PAPOLA: variants seen among roughly 807,000 people sequenced by gnomAD.
The protein encoded by PAPOLA is poly(A) polymerase alpha.
A neutral mutation model predicts 100.6 loss-of-function variants in PAPOLA; 15 were observed. The observed-to-expected ratio is 0.15, with a 90% CI of 0.10 to 0.23. The LOEUF (loss-of-function observed/expected upper bound fraction) is 0.23, where lower values mean the gene tolerates loss of function less well. PAPOLA is among the 10% of genes least tolerant of loss of function. The probability of loss-of-function intolerance (pLI) is 1.00; values close to 1 mark genes in which losing one functional copy is unlikely to be tolerated. For missense variants in PAPOLA, 533 were observed against 884.2 expected (o/e 0.60, Z 5.04); for synonymous variants, 293 against 300.0 (o/e 0.98, Z 0.24).
chr14:96,526,703 C>G, intron 4 of PAPOLA: 1 of 152,684 alleles, frequency 6.5e-6, no homozygotes, highest in East Asian at 1.9e-4. Flanking sequence ...AGTATCCTTT[C>G]CTCTCTCCAT....
chr14:96,532,999 TTCTC>T (rs1481618537), intron 9 of PAPOLA: 4 of 999,000 alleles, frequency 4.0e-6, no homozygotes, highest in Non-Finnish European at 4.8e-6. Context: ...ACTCTTTTAA[TTCTC>T]TATCTATAGG....
At chr14:96,527,868 G>T in intron 5 of PAPOLA, 85 bp from the exon 6 acceptor site, 1 of 880,034 alleles carries the variant, frequency 1.1e-6, no homozygotes, top group South Asian at 1.3e-5. Context: ...CTATTTTTGT[G>T]TCAGGTGTTT....
chr14:96,535,832 T>C (rs934623321), intron 10 of PAPOLA, 47 bp from the exon 11 acceptor site: 8 of 1,420,692 alleles, frequency 5.6e-6, no homozygotes, highest in Non-Finnish European at 1.9e-6. Context: ...CCCAAGTATC[T>C]GTTGCATATG....
chr14:96,529,590 C>T (rs1055684194), intron 6 of PAPOLA, among the ~76,000 whole-genome samples: 3 of 151,888 alleles, frequency 2.0e-5, no homozygotes, highest in South Asian at 2.1e-4. Context: ...GGCATGGTGG[C>T]GTGTGCCTGT....
intron 1 of PAPOLA, among the ~76,000 whole-genome samples, chr14:96,511,358 C>T (rs372270807): frequency 6.6e-6 from 1 of 151,974 alleles, no homozygotes; most frequent in East Asian, 1.9e-4. Flanking sequence ...CCCAGGCGTT[C>T]GACACCAGCC....
At chr14:96,549,436 G>A (rs941898613) in intron 16 of PAPOLA, among the ~76,000 whole-genome samples, 11 of 151,884 alleles carry the variant, frequency 7.2e-5, no homozygotes, top group Admixed American at 5.9e-4. Flanking sequence ...TTTTAGTAGA[G>A]ACGGGGTTTC....
intron 1 of PAPOLA, among the ~76,000 whole-genome samples, chr14:96,503,921 C>T (rs527745557): frequency 5.3e-5 from 8 of 152,280 alleles, no homozygotes; most frequent in Admixed American, 5.2e-4. Context: ...GGCTCCCACC[C>T]ACCCCCTTAG....
intron 1 of PAPOLA, among the ~76,000 whole-genome samples, chr14:96,507,718 G>A (rs924863948): frequency 6.6e-6 from 1 of 152,196 alleles, no homozygotes; most frequent in African/African-American, 2.4e-5. Flanking sequence ...GCTCTTTGGA[G>A]TGCTCAATAC....
At chr14:96,548,865 TAAAAC>T (rs1417708386) in intron 16 of PAPOLA, among the ~76,000 whole-genome samples, 2 of 152,306 alleles carry the variant, frequency 1.3e-5, no homozygotes, top group East Asian at 1.9e-4. Flanking sequence ...TTTTGTTTCT[TAAAAC>T]AATATATTAT....
chr14:96,556,433 A>G lies in PAPOLA; in HGVS notation c.2004+20A>G, dbSNP rs202026430. On this transcript the variant is annotated intron_variant, in intron 19 of 21. Transcript: ENST00000216277. ...GAAGAGGTATATATATGAAAAACAT[A>G]TTAGTTAGCCATGGCAACACCAACT... 1.2e-4 allele frequency: 173 copies of G among 1,492,054 alleles called. No homozygotes were observed. The highest frequency in any genetic ancestry group is 1.6e-4 in the Non-Finnish European group (168 of 1,072,328). 92.4% of individuals were successfully genotyped at this position (1,492,054 alleles called of 1,614,324 possible).
chr14:96,516,475 A>G (rs1461504020), intron 1 of PAPOLA, among the ~76,000 whole-genome samples: 1 of 151,154 alleles, frequency 6.6e-6, no homozygotes, highest in East Asian at 1.9e-4. Context: ...AGTAGCTAGG[A>G]CTACGGGCAT....
chr14:96,552,528 G>A lies in PAPOLA; in HGVS notation c.1570G>A (p.Asp524Asn), dbSNP rs369122749. The stretch of plus-strand genomic sequence containing the variant: ...GACAGCTCTCAATGACAGCAGCCTC[G>A]ACTTGTCTATGGACAGTGATAACAG... ...KLTALNDSSL[D>N]LSMDSDNSMS... The change falls in exon 17 of 22, where the codon GAC becomes AAC. Residue 524 changes from aspartate (D) to asparagine (N), a missense_variant. Asp to Asn is a conservative substitution (Grantham distance 23). Transcript: ENST00000216277. The A allele has an allele frequency of 6.2e-7, 1 of 1,613,752 alleles. No homozygotes were observed. The highest frequency in any genetic ancestry group is 2.2e-5 in the East Asian group (1 of 44,880).
chr14:96,533,937 C>CTCCA, intron 9 of PAPOLA: 4 of 984,948 alleles, frequency 4.1e-6, no homozygotes, highest in Non-Finnish European at 4.8e-6. Flanking sequence ...GGCAGGTGTT[C>CTCCA]TCCAGTTTTT....
chr14:96,527,607 A>G, intron 5 of PAPOLA, 68 bp downstream of exon 5: 1 of 839,254 alleles, frequency 1.2e-6, no homozygotes. Flanking sequence ...AGTGAATTTT[A>G]TGATATAGCC....
chr14:96,534,465 T>C (rs1402987515), intron 9 of PAPOLA, 26 bp from the exon 10 acceptor site: 4 of 1,611,358 alleles, frequency 2.5e-6, no homozygotes, highest in African/African-American at 1.3e-5. Flanking sequence ...AATAGTCTTA[T>C]CAAGTGCTAC....
intron 6 of PAPOLA, 27 bp from the exon 7 acceptor site, chr14:96,531,448 T>C (rs768993456): frequency 8.4e-6 from 13 of 1,540,920 alleles, no homozygotes; most frequent in Middle Eastern, 1.7e-4. Context: ...TTGACAGATA[T>C]GGAATGTTGT....
intron 16 of PAPOLA, among the ~76,000 whole-genome samples, chr14:96,550,645 G>A (rs1900772725): frequency 6.6e-6 from 1 of 151,950 alleles, no homozygotes; most frequent in Non-Finnish European, 1.5e-5. Context: ...GCCTTTTTTT[G>A]TGTTAACATA....
chr14:96,502,732 T>C, intron 1 of PAPOLA, 132 bp downstream of exon 1: 2 of 957,024 alleles, frequency 2.1e-6, no homozygotes, highest in Non-Finnish European at 3.0e-6. Context: ...CAGGCAGGAC[T>C]GGGGACCTTC....
chr14:96,515,090 T>C (rs151039053), intron 1 of PAPOLA, among the ~76,000 whole-genome samples: 2,865 of 152,200 alleles, frequency 0.019, 48 homozygotes, highest in Non-Finnish European at 0.031. Context: ...AGGAAAGGAG[T>C]TGGGACCAAG....
Sources: gnomAD v4.1 joint callset for allele counts (sites outside exome capture counted in the v4.1 genomes callset) on GRCh38, gnomAD v4.1.1 for gene constraint, MANE v1.5 for transcripts, NCBI Gene and HGNC (gene_info 2026-07-23, HGNC 2026-07-21) for gene names.